The following MTX2 variants were observed in gnomAD, a reference collection of about 807,000 sequenced individuals.
MTX2 encodes the protein metaxin 2.
In MTX2, 35 loss-of-function variants were observed where a neutral mutation model predicts 42.3. The ratio of observed to expected loss-of-function variants is 0.83; its 90% CI spans 0.63 to 1.10. The LOEUF (loss-of-function observed/expected upper bound fraction) is 1.10. Ranked by LOEUF, MTX2 falls within the 50% of genes least tolerant of loss-of-function variation. The pLI is 0.00. For missense variants in MTX2, 307 were observed against 304.1 expected, an observed-to-expected ratio of 1.01 and a Z score of -0.07; for synonymous variants, 119 against 100.9, an observed-to-expected ratio of 1.18 and a Z score of -1.08.
chr2:176,317,286 A>T (rs1684471438), intron 3 of MTX2, among the ~76,000 whole-genome samples: 1 of 151,510 alleles, frequency 6.6e-6, no homozygotes, highest in Non-Finnish European at 1.5e-5. Flanking sequence ...TCATGTTAAG[A>T]TAGTGATACT....
chr2:176,316,946 A>G (rs1012821404), intron 3 of MTX2, among the ~76,000 whole-genome samples: 15 of 151,754 alleles, frequency 9.9e-5, no homozygotes, highest in Non-Finnish European at 2.1e-4. Flanking sequence ...GGTAGACCTT[A>G]CCAAAGTGCC....
intron 1 of MTX2, among the ~76,000 whole-genome samples, chr2:176,272,569 T>G (rs769510520): frequency 6.6e-5 from 10 of 152,142 alleles, no homozygotes; most frequent in Admixed American, 2.0e-4. Context: ...ACAAAAATTA[T>G]GGTATGGTCA....
At chr2:176,315,124 C>T (rs561311087) in intron 3 of MTX2, among the ~76,000 whole-genome samples, 18 of 152,152 alleles carry the variant, frequency 1.2e-4, no homozygotes, top group South Asian at 4.2e-4. Context: ...AGCACATGGC[C>T]GTACTCTTAG....
In MTX2 at chr2:176,297,012, A is replaced by G. The variant is rs1180789441; in HGVS notation, c.88+105A>G. ...TGCAAAGAGAATATAAAATGTAAAG[A>G]AGGGATTCCCTTGTATAATTTGTCT... On this transcript the variant is annotated intron_variant, in intron 2 of 9. Coordinates refer to ENST00000249442, the MANE Select transcript of MTX2 (RefSeq NM_006554.5). 4.9e-6 allele frequency: 6 copies of G among 1,229,646 alleles called. 1 individual carries two copies. The highest frequency in any genetic ancestry group is 3.5e-6 in the Non-Finnish European group (3 of 850,984). The allele number at this position is 1,229,646 out of a possible 1,614,324, so 76.2% of individuals were successfully genotyped here. A position where few individuals can be genotyped will look rare whatever the true frequency, so the allele number is the denominator to read the frequency against.
intron 1 of MTX2, among the ~76,000 whole-genome samples, chr2:176,272,662 A>G (rs1692850150): frequency 6.6e-6 from 1 of 152,170 alleles, no homozygotes; most frequent in Non-Finnish European, 1.5e-5. Context: ...GTAAAAAGTT[A>G]TAAAATAATA....
At chr2:176,305,663 T>G (rs894642295) in intron 3 of MTX2, among the ~76,000 whole-genome samples, 1 of 152,154 alleles carries the variant, frequency 6.6e-6, no homozygotes, top group Admixed American at 6.6e-5. Context: ...CTATTCTAAT[T>G]GTCTCTTTTG....
rs537661032 is a variant in MTX2 at position 176,328,815 on chromosome 2, T to A, written c.379-59T>A. 7.8e-6 allele frequency: 12 copies of A among 1,533,636 alleles called. No homozygotes were observed. In the East Asian group the frequency reaches 2.0e-4, roughly 26 times the overall value. On this transcript the variant is annotated intron_variant, in intron 6 of 9. Transcript: ENST00000249442. ...AAAATTGCCTTGGCAAAAAATAACT[T>A]TCTTTATCCTTTTCCTCTTTGGTAT...
chr2:176,329,449 A>C, intron 8 of MTX2, 23 bp downstream of exon 8: 1 of 1,590,902 alleles, frequency 6.3e-7, no homozygotes, highest in Non-Finnish European at 8.6e-7. Context: ...TGAAGTTGAC[A>C]AAACCCTCAA....
At chr2:176,323,537 C>A in intron 4 of MTX2, 73 bp downstream of exon 4, 1 of 1,365,090 alleles carries the variant, frequency 7.3e-7, no homozygotes, top group Non-Finnish European at 1.0e-6. Context: ...CAGTTTGTAT[C>A]TACATGTTAA....
intron 9 of MTX2, among the ~76,000 whole-genome samples, chr2:176,332,791 A>G (rs188052546): frequency 5.3e-5 from 8 of 151,606 alleles, no homozygotes; most frequent in African/African-American, 1.9e-4. Context: ...GTTAATGGGA[A>G]AGAACAATTA....
intron 1 of MTX2, among the ~76,000 whole-genome samples, chr2:176,288,265 C>G (rs531723377): frequency 6.6e-5 from 10 of 152,084 alleles, no homozygotes; most frequent in South Asian, 4.2e-4. Context: ...GTCTAAACAT[C>G]TTAAAAATCT....
chr2:176,320,953 T>G (rs1684571218), intron 3 of MTX2, among the ~76,000 whole-genome samples: 1 of 152,116 alleles, frequency 6.6e-6, no homozygotes, highest in Admixed American at 6.6e-5. Flanking sequence ...TGCCTTGGCC[T>G]CCTCAAAAGT....
intron 4 of MTX2, among the ~76,000 whole-genome samples, chr2:176,325,588 A>C (rs987058144): frequency 1.5e-4 from 23 of 151,844 alleles, no homozygotes; most frequent in African/African-American, 5.3e-4. Context: ...AAAACAAGGA[A>C]TATGCTTTGC....
intron 1 of MTX2, among the ~76,000 whole-genome samples, chr2:176,285,351 AC>A (rs1693172247): frequency 6.6e-6 from 1 of 151,670 alleles, no homozygotes; most frequent in Admixed American, 6.6e-5. Context: ...TAATTTACAA[AC>A]CCTTTTAGAT....
At chr2:176,334,074 A>G (rs1253339433) in intron 9 of MTX2, among the ~76,000 whole-genome samples, 1 of 151,810 alleles carries the variant, frequency 6.6e-6, no homozygotes, top group Non-Finnish European at 1.5e-5. Flanking sequence ...GTCTTTATGT[A>G]AAATCAGATC....
intron 1 of MTX2, among the ~76,000 whole-genome samples, chr2:176,281,864 T>G (rs1693084089): frequency 6.6e-6 from 1 of 152,166 alleles, no homozygotes. Context: ...TAGTGATGCC[T>G]GCTCGAACAT....
chr2:176,320,130 T>C (rs1211598677), intron 3 of MTX2, among the ~76,000 whole-genome samples: 2 of 152,106 alleles, frequency 1.3e-5, no homozygotes, highest in East Asian at 1.9e-4. Flanking sequence ...CAGTTAGTTT[T>C]TATAAAAAAA....
intron 7 of MTX2, 41 bp from the exon 8 acceptor site, chr2:176,329,260 T>G (rs748977954): frequency 1.2e-5 from 18 of 1,553,626 alleles, no homozygotes; most frequent in Non-Finnish European, 1.5e-5. Flanking sequence ...GGCATTGTTT[T>G]TAGGAAGGAT....
chr2:176,337,342 T>G (rs818363), intron 9 of MTX2, 151 bp from the exon 10 acceptor site: 2 of 580,368 alleles, frequency 3.4e-6, no homozygotes, highest in African/African-American at 1.9e-5. Context: ...ATGCTTGGCC[T>G]ATATTGTTAT....
Sources: allele counts gnomAD v4.1 joint callset (sites outside exome capture counted in the v4.1 genomes callset), GRCh38; gene constraint gnomAD v4.1.1; transcripts MANE v1.5; gene names NCBI Gene and HGNC (gene_info 2026-07-23, HGNC 2026-07-21).